The following GALNT18 variants were observed in gnomAD, a reference collection of about 807,000 sequenced individuals.
The protein encoded by GALNT18 is polypeptide N-acetylgalactosaminyltransferase 18, also known as GalNAc-transferase 18.
Under a neutral mutation model 69.5 loss-of-function variants are expected in GALNT18, and 44 were observed. That is an observed-to-expected ratio of 0.63 (90% confidence interval 0.50 to 0.81). The LOEUF is 0.81. GALNT18 is among the 40% of genes least tolerant of loss of function. The pLI, the probability that GALNT18 is intolerant of heterozygous loss-of-function variation, is 0.00. For synonymous variants in GALNT18, 364 were observed against 318.2 expected, an observed-to-expected ratio of 1.14 and a Z score of -1.53; for missense variants, 715 against 810.0, an observed-to-expected ratio of 0.88 and a Z score of 1.42.
At chr11:11,565,488 G>A (rs1474297863) in intron 1 of GALNT18, among the ~76,000 whole-genome samples, 1 of 152,130 alleles carries the variant, frequency 6.6e-6, no homozygotes, top group Non-Finnish European at 1.5e-5. Context: ...TAAGCATGAG[G>A]GTAAGTGCCC....
In GALNT18 at chr11:11,542,772, C is replaced by A. The variant is rs1260930376; in HGVS notation, c.235+78587G>T. The stretch of plus-strand genomic sequence containing the variant: ...TTTATAGTCTAAGAGCCCCTTTCTT[C>A]ATTATTTCTGATCGATCTGCTTTTG... On this transcript the variant is annotated intron_variant, in intron 1 of 10. Transcript: ENST00000227756. The surrounding 1 kb of genome is among the most constrained non-coding windows in gnomAD (Gnocchi z 4.3). Among the ~76,000 whole-genome samples the A allele has an allele frequency of 6.6e-6, 1 of 152,194 alleles. No homozygotes were observed. Among genetic ancestry groups the A allele is most frequent in the Non-Finnish European group, 1.5e-5 (1 of 68,026 alleles).
intron 10 of GALNT18, among the ~76,000 whole-genome samples, chr11:11,291,266 G>A (rs535014902): frequency 7.9e-5 from 12 of 152,036 alleles, no homozygotes; most frequent in Non-Finnish European, 1.8e-4. Context: ...CCTGACCTCT[G>A]GCCTTCTCCC....
chr11:11,388,474 T>C (rs1404554835), intron 3 of GALNT18, among the ~76,000 whole-genome samples: 3 of 152,240 alleles, frequency 2.0e-5, no homozygotes, highest in Non-Finnish European at 2.9e-5. Context: ...TCTCCCTTTC[T>C]TCCTCTCTCT....
chr11:11,332,969 G>C lies in GALNT18; in HGVS notation c.1279-138C>G. The C allele has an allele frequency of 1.1e-6, 1 of 878,074 alleles. No individual in the cohort carries two copies. The highest frequency in any genetic ancestry group is 1.8e-6 in the Non-Finnish European group (1 of 568,576). The allele number at this position is 878,074 out of a possible 1,614,324, so 54.4% of individuals were successfully genotyped here. On this transcript the variant is annotated intron_variant, in intron 7 of 10. Transcript: ENST00000227756. The surrounding 1 kb of genome is among the most constrained non-coding windows in gnomAD (Gnocchi z 4.3). Reference sequence around the variant, plus strand: ...GGGACCATGTGGCACGTTAACTCTTGCATTTTCCCACGGGTACCTTAACCC... The same window carrying C: ...GGGACCATGTGGCACGTTAACTCTTCCATTTTCCCACGGGTACCTTAACCC...
rs61477736 is a variant in GALNT18, at chr11:11,490,234, AACACACACACACAC to A, written c.236-41312_236-41299del. ...TCTCTCTCTCTCTCTCTCTCTCTCTAACACACACACACACACACACACACACACACACACACTCC... is the reference window on the plus strand; with the variant it reads ...TCTCTCTCTCTCTCTCTCTCTCTCTAACACACACACACACACACACACTCC... On this transcript the variant is annotated intron_variant, in intron 1 of 10. Coordinates refer to ENST00000227756, the MANE Select transcript of GALNT18 (RefSeq NM_198516.3). Among the ~76,000 whole-genome samples, 429 of 125,192 alleles carry A rather than the reference AACACACACACACAC, an allele frequency of 3.4e-3. 2 individuals carry two copies. Among genetic ancestry groups the A allele is most frequent in the African/African-American group, 0.013 (414 of 32,940 alleles). The allele number at this position is 125,192 out of a possible 152,430, so 82.1% of individuals were successfully genotyped here.
In GALNT18 at chr11:11,382,512, T is replaced by G. The variant is rs1033218661; in HGVS notation, c.596-3248A>C. Among the ~76,000 whole-genome samples the G allele has an allele frequency of 1.3e-5, 2 of 152,174 alleles. No homozygotes were observed. Among genetic ancestry groups the G allele is most frequent in the Admixed American group, 1.3e-4 (2 of 15,278 alleles). ...TTCACATATAATATCTCTCAGAACTTCTTAGCTCCAAAGATTGTGTTTTTG... is the reference window on the plus strand; with the variant it reads ...TTCACATATAATATCTCTCAGAACTGCTTAGCTCCAAAGATTGTGTTTTTG... On this transcript the variant is annotated intron_variant, in intron 3 of 10. Transcript: ENST00000227756. This position sits in a 1 kb window ranked among gnomAD's most constrained non-coding sequence, Gnocchi z 4.3.
chr11:11,416,905 C>T (rs543280171), intron 3 of GALNT18, among the ~76,000 whole-genome samples: 1 of 152,278 alleles, frequency 6.6e-6, no homozygotes, highest in Admixed American at 6.5e-5. Context: ...TCCCCTCCCC[C>T]AGCCCTTGCT....
chr11:11,354,088 A>G (rs1478889187), intron 6 of GALNT18, among the ~76,000 whole-genome samples: 1 of 152,224 alleles, frequency 6.6e-6, no homozygotes, highest in East Asian at 1.9e-4. Flanking sequence ...CTCAGATTAT[A>G]AACACTGGTA....
chr11:11,336,656 A>C (rs981700694), intron 7 of GALNT18, among the ~76,000 whole-genome samples: 1 of 152,212 alleles, frequency 6.6e-6, no homozygotes, highest in Non-Finnish European at 1.5e-5. Flanking sequence ...GGGCATAGCT[A>C]TCTCAGAGGC....
intron 8 of GALNT18, among the ~76,000 whole-genome samples, chr11:11,330,653 C>T (rs142390839): frequency 4.6e-5 from 7 of 152,334 alleles, no homozygotes; most frequent in African/African-American, 1.7e-4. Flanking sequence ...ACAGGCCCAG[C>T]TCTGGACTCA....
At chr11:11,506,266 T>C (rs571914449) in intron 1 of GALNT18, among the ~76,000 whole-genome samples, 1 of 152,386 alleles carries the variant, frequency 6.6e-6, no homozygotes, top group African/African-American at 2.4e-5. Context: ...ATGGTTTTGC[T>C]AGGTCTAAGC....
intron 1 of GALNT18, among the ~76,000 whole-genome samples, chr11:11,518,101 C>T (rs920680632): frequency 2.0e-5 from 3 of 152,180 alleles, no homozygotes; most frequent in African/African-American, 7.2e-5. Context: ...GTGTCATCCT[C>T]AAACATAAAA....
chr11:11,522,495 A>G (rs1857422536), intron 1 of GALNT18, among the ~76,000 whole-genome samples: 1 of 152,130 alleles, frequency 6.6e-6, no homozygotes, highest in Non-Finnish European at 1.5e-5. Context: ...AGAGATGAAG[A>G]ATCATGCCCA....
intron 6 of GALNT18, among the ~76,000 whole-genome samples, chr11:11,344,104 C>A (rs545285426): frequency 1.3e-5 from 2 of 148,468 alleles, no homozygotes; most frequent in East Asian, 1.9e-4. Flanking sequence ...TAAGCTGGAC[C>A]ACTGCCTCTC....
At chr11:11,293,321 T>A (rs964274529) in intron 9 of GALNT18, 128 bp from the exon 10 acceptor site, 1 of 580,968 alleles carries the variant, frequency 1.7e-6, no homozygotes, top group Non-Finnish European at 2.6e-6. Flanking sequence ...AGTCTTCACA[T>A]CCAGTGGCCT....
chr11:11,451,968 G>A lies in GALNT18; in HGVS notation c.236-3032C>T, dbSNP rs182078345. ...GTAAATAAAGTTTTATTAGAACACA[G>A]TCACATCCACTTGTTAACATATTCT... On this transcript the variant is annotated intron_variant, in intron 1 of 10. Transcript: ENST00000227756. Among the ~76,000 whole-genome samples, 8 of 152,282 alleles carry A rather than the reference G, an allele frequency of 5.3e-5. No homozygotes were observed. The East Asian group carries it at 1.4e-3, about 26-fold the overall frequency.
rs1855734169 is a variant in GALNT18 at position 11,449,172 on chromosome 11, T to TCTG, written c.236-239_236-237dup. ...AGTTAGAGAAATACACCTGACAGGG[T>TCTG]CTGCTGAGAAGCTAATGGATGTGAC... On this transcript the variant is annotated intron_variant, in intron 1 of 10. Coordinates refer to ENST00000227756, the MANE Select transcript of GALNT18 (RefSeq NM_198516.3). Among the ~76,000 whole-genome samples, 2 of 152,128 alleles carry TCTG rather than the reference T, an allele frequency of 1.3e-5. 1 individual carries two copies. Among genetic ancestry groups the TCTG allele is most frequent in the South Asian group, 4.1e-4 (2 of 4,828 alleles).
chr11:11,364,704 G>C (rs564851161), intron 6 of GALNT18, among the ~76,000 whole-genome samples: 626 of 152,184 alleles, frequency 4.1e-3, no homozygotes, highest in African/African-American at 0.015. Context: ...TAGAATATTT[G>C]ACAGTATTAC....
At chr11:11,319,686 A>G (rs2133037624) in intron 9 of GALNT18, among the ~76,000 whole-genome samples, 1 of 152,380 alleles carries the variant, frequency 6.6e-6, no homozygotes, top group African/African-American at 2.4e-5. Flanking sequence ...AACATGGCTC[A>G]GTGCTGATGA....
Sources: allele counts gnomAD v4.1 joint callset (sites outside exome capture counted in the v4.1 genomes callset), GRCh38; gene constraint gnomAD v4.1.1; non-coding constraint Gnocchi (gnomAD v3.1); transcripts MANE v1.5; gene names NCBI Gene and HGNC (gene_info 2026-07-23, HGNC 2026-07-21).